The following KCNMA1 variants were observed in gnomAD, a reference collection of about 807,000 sequenced individuals.
KCNMA1 encodes the protein potassium calcium-activated channel subfamily M alpha 1.
KCNMA1 carries 29 observed loss-of-function variants against 140.0 expected under a neutral mutation model. That is an observed-to-expected ratio of 0.21 (90% CI 0.15 to 0.28). The LOEUF (loss-of-function observed/expected upper bound fraction) is 0.28. KCNMA1 is among the 10% of genes least tolerant of loss of function. The pLI is 1.00. For missense variants in KCNMA1, 880 were observed against 1,602.2 expected (o/e 0.55, Z 7.70); for synonymous variants, 612 against 611.9 (o/e 1.00, Z 0.00).
intron 3 of KCNMA1, among the ~76,000 whole-genome samples, chr10:77,202,675 G>C (rs2042843289): frequency 6.6e-6 from 1 of 152,144 alleles, no homozygotes; most frequent in African/African-American, 2.4e-5. Flanking sequence ...ATGTCTAATT[G>C]GTGGAATTTC....
In KCNMA1 at chr10:76,886,151, G is replaced by A. The variant is rs2151653769; in HGVS notation, c.*1115C>T. The A allele has an allele frequency of 3.5e-5, 34 of 985,386 alleles. No individual in the cohort carries two copies. The highest frequency in any genetic ancestry group is 3.7e-5 in the Non-Finnish European group (31 of 829,934). 61.0% of individuals were successfully genotyped at this position (985,386 alleles called of 1,614,324 possible). A position where few individuals can be genotyped will look rare whatever the true frequency, so the allele number is the denominator to read the frequency against. On this transcript the variant is annotated 3_prime_UTR_variant, in exon 28 of 28. Coordinates refer to ENST00000286628, the MANE Select transcript of KCNMA1 (RefSeq NM_001161352.2). ...ATTTAGCATGTCGGCTCCTAGAAAA[G>A]CATGATCTGCAGCTGGGTTTGTCTT... is the stretch of plus-strand genomic sequence containing the variant.
At chr10:77,526,552 A>T (rs2055748090) in intron 1 of KCNMA1, among the ~76,000 whole-genome samples, 1 of 152,198 alleles carries the variant, frequency 6.6e-6, no homozygotes, top group South Asian at 2.1e-4. Flanking sequence ...GTTTCTAGAC[A>T]AATGTTAGTG....
chr10:77,262,574 GT>G (rs56801107), intron 2 of KCNMA1, among the ~76,000 whole-genome samples: 27,809 of 151,988 alleles, frequency 0.18, 3,355 homozygotes, highest in East Asian at 0.44. Context: ...GATGGGAGGC[GT>G]TTTGGTCATG....
intron 1 of KCNMA1, among the ~76,000 whole-genome samples, chr10:77,541,004 CAAA>C (rs11433642): frequency 6.9e-6 from 1 of 145,818 alleles, no homozygotes; most frequent in Admixed American, 6.8e-5. Flanking sequence ...GACTTCCTCT[CAAA>C]AAAAAAAAGA....
chr10:77,050,295 C>CA (rs1249892095), intron 14 of KCNMA1, among the ~76,000 whole-genome samples: 7 of 148,384 alleles, frequency 4.7e-5, no homozygotes, highest in South Asian at 2.2e-4. Context: ...AATAAAAAAA[C>CA]AAAAAAACAA....
chr10:77,099,124 C>T (rs2153819787), intron 9 of KCNMA1, among the ~76,000 whole-genome samples: 1 of 152,136 alleles, frequency 6.6e-6, no homozygotes, highest in East Asian at 1.9e-4. Flanking sequence ...CAAAGGTCAG[C>T]CTCACTCTTC....
At chr10:77,474,219 G>A (rs551202759) in intron 1 of KCNMA1, among the ~76,000 whole-genome samples, 3 of 152,272 alleles carry the variant, frequency 2.0e-5, no homozygotes, top group African/African-American at 4.8e-5. Flanking sequence ...AGAGTGTTAC[G>A]GACTGAATTG....
intron 2 of KCNMA1, among the ~76,000 whole-genome samples, chr10:77,387,556 T>TTTTCTTTTCTTTTTTTTTCTTTTCTC: frequency 1.8e-5 from 2 of 113,160 alleles, no homozygotes; most frequent in South Asian, 2.9e-4. Context: ...TTTTCTTTTC[T>TTTTCTTTTCTTTTTTTTTCTTTTCTC]TTTTCTTTTC....
At chr10:77,630,918 C>A (rs1464727584) in intron 1 of KCNMA1, among the ~76,000 whole-genome samples, 2 of 151,722 alleles carry the variant, frequency 1.3e-5, no homozygotes, top group Non-Finnish European at 2.9e-5. Context: ...CAAGCCTGGG[C>A]AACATAGGGA....
At chr10:77,585,994 A>G (rs1465603698) in intron 1 of KCNMA1, among the ~76,000 whole-genome samples, 2 of 152,266 alleles carry the variant, frequency 1.3e-5, no homozygotes, top group Non-Finnish European at 2.9e-5. Context: ...TTTATCAAAA[A>G]TAGAAACCAA....
chr10:76,934,080 C>T (rs2059921861), intron 23 of KCNMA1, among the ~76,000 whole-genome samples: 1 of 152,152 alleles, frequency 6.6e-6, no homozygotes, highest in Admixed American at 6.5e-5. Context: ...TCATGTGATT[C>T]TCCTGCCTCA....
chr10:77,125,635 C>T (rs2097715328), intron 5 of KCNMA1, among the ~76,000 whole-genome samples: 1 of 152,242 alleles, frequency 6.6e-6, no homozygotes, highest in African/African-American at 2.4e-5. Context: ...GCATGAAGCA[C>T]TAGCACCTCG....
At chr10:77,096,436 C>T (rs891438687) in intron 9 of KCNMA1, among the ~76,000 whole-genome samples, 2 of 152,220 alleles carry the variant, frequency 1.3e-5, no homozygotes, top group Non-Finnish European at 2.9e-5. Flanking sequence ...ATTTACTGTC[C>T]CCACTGCCCC....
intron 23 of KCNMA1, among the ~76,000 whole-genome samples, chr10:76,935,476 G>A (rs867530019): frequency 6.6e-6 from 1 of 152,172 alleles, no homozygotes; most frequent in African/African-American, 2.4e-5. Context: ...CTAGCTATAA[G>A]GCTATGGGAA....
chr10:77,478,304 T>C lies in KCNMA1; in HGVS notation c.379-74281A>G, dbSNP rs537819469. On this transcript the variant is annotated intron_variant, in intron 1 of 27. Coordinates refer to ENST00000286628, the MANE Select transcript of KCNMA1 (RefSeq NM_001161352.2). ...ACAGAGCTGAGCTGCAGTCAACCCC[T>C]GAACTACTTATTAAAAAGAAGCACT... 3.3e-4 allele frequency among the ~76,000 whole-genome samples: 50 copies of C among 152,322 alleles called. 1 individual carries two copies. Among genetic ancestry groups the C allele is most frequent in the Non-Finnish European group, 5.4e-4 (37 of 68,026 alleles).
intron 2 of KCNMA1, among the ~76,000 whole-genome samples, chr10:77,279,733 T>C (rs1039501330): frequency 1.3e-5 from 2 of 151,918 alleles, no homozygotes; most frequent in Non-Finnish European, 2.9e-5. Flanking sequence ...CAATGGGAGG[T>C]AATTAAATCA....
intron 2 of KCNMA1, among the ~76,000 whole-genome samples, chr10:77,353,497 A>T (rs1447887579): frequency 6.6e-6 from 1 of 152,084 alleles, no homozygotes; most frequent in Non-Finnish European, 1.5e-5. Flanking sequence ...CAAAGTCTCT[A>T]GGGCTTACAG....
intron 5 of KCNMA1, among the ~76,000 whole-genome samples, chr10:77,151,666 G>A (rs1564842509): frequency 6.6e-6 from 1 of 152,170 alleles, no homozygotes; most frequent in African/African-American, 2.4e-5. Context: ...TTGAATGCTG[G>A]AGCACTCAGC....
chr10:77,443,184 G>C (rs1482783601), intron 1 of KCNMA1, among the ~76,000 whole-genome samples: 2 of 152,158 alleles, frequency 1.3e-5, no homozygotes, highest in Non-Finnish European at 1.5e-5. Context: ...GGGAAAGGCT[G>C]TCCCTCCCAG....
Sources: gnomAD v4.1 joint callset for allele counts (sites outside exome capture counted in the v4.1 genomes callset) on GRCh38, gnomAD v4.1.1 for gene constraint, MANE v1.5 for transcripts, NCBI Gene and HGNC (gene_info 2026-07-23, HGNC 2026-07-21) for gene names.